The following ZFHX4 variants were observed in gnomAD, a reference collection of about 807,000 sequenced individuals.
The protein encoded by ZFHX4 is zinc finger homeobox protein 4.
ZFHX4 carries 56 observed loss-of-function variants against 267.6 expected under a neutral mutation model. The ratio of observed to expected loss-of-function variants is 0.21; its 90% CI spans 0.17 to 0.26. The LOEUF (loss-of-function observed/expected upper bound fraction) is 0.26. ZFHX4 is among the 10% of genes least tolerant of loss of function. ZFHX4 has a pLI of 1.00. For missense variants in ZFHX4, 4,332 were observed against 4,420.0 expected (o/e 0.98, Z 0.56); for synonymous variants, 1,778 against 1,665.6 (o/e 1.07, Z -1.64).
At position 76,846,393 on chromosome 8, in the gene ZFHX4, T is replaced by C. The variant is rs1055455970; in HGVS notation, c.3512-2602T>C. Among the ~76,000 whole-genome samples, 19 of 152,184 alleles carry C rather than the reference T, an allele frequency of 1.2e-4. No homozygotes were observed. In the East Asian group the frequency reaches 3.5e-3, roughly 28 times the overall value. ...AACTTCTTGGTAATTTCAAACAAAA[T>C]GGTCTTTAGGAGGCTCCTGGCTTAT... On this transcript the variant is annotated intron_variant, in intron 6 of 10. Coordinates refer to ENST00000651372, the MANE Select transcript of ZFHX4 (RefSeq NM_024721.5).
intron 3 of ZFHX4, among the ~76,000 whole-genome samples, chr8:76,728,170 T>C (rs1808905038): frequency 6.6e-6 from 1 of 152,202 alleles, no homozygotes; most frequent in African/African-American, 2.4e-5. Flanking sequence ...TATATATCTG[T>C]CTCAAGAATT....
intron 3 of ZFHX4, among the ~76,000 whole-genome samples, chr8:76,733,771 C>T (rs1388167078): frequency 6.6e-6 from 1 of 152,098 alleles, no homozygotes; most frequent in African/African-American, 2.4e-5. Context: ...GGTCCCCAAA[C>T]CTCAGCAGGG....
intron 3 of ZFHX4, among the ~76,000 whole-genome samples, chr8:76,764,373 A>G (rs888674559): frequency 1.3e-5 from 2 of 152,140 alleles, no homozygotes; most frequent in Non-Finnish European, 2.9e-5. Flanking sequence ...TATTTATGCT[A>G]GTCAGTTCTC....
rs762365099 is a variant in ZFHX4, at chr8:76,852,480, A to T, written c.5559A>T (p.Pro1853=). The change falls in exon 10 of 11, where the codon CCA becomes CCT. Residue 1853 remains proline, a synonymous_variant. Coordinates refer to ENST00000651372, the MANE Select transcript of ZFHX4 (RefSeq NM_024721.5). ...ACTGCCAAATCATGAAGGATGTGCC[A>T]TCTTATAAGGAGGCAGAAGATATTT... ...SADCQIMKDV[P]SYKEAEDISE... 1.3e-6 allele frequency: 2 copies of T among 1,588,696 alleles called. No homozygotes were observed. The highest frequency in any genetic ancestry group is 3.6e-5 in the Admixed American group (2 of 55,590).
At chr8:76,831,639 A>T (rs1452074460) in intron 4 of ZFHX4, among the ~76,000 whole-genome samples, 2 of 152,192 alleles carry the variant, frequency 1.3e-5, no homozygotes, top group East Asian at 3.8e-4. Flanking sequence ...GAACAACTCA[A>T]AATTTATCGG....
At chr8:76,845,918 T>A (rs71529281) in intron 6 of ZFHX4, among the ~76,000 whole-genome samples, 1 of 152,032 alleles carries the variant, frequency 6.6e-6, no homozygotes, top group Non-Finnish European at 1.5e-5. Context: ...GAGGATATTG[T>A]GTTGTCCTCA....
intron 4 of ZFHX4, among the ~76,000 whole-genome samples, chr8:76,784,045 A>G (rs1810622323): frequency 1.3e-5 from 2 of 151,894 alleles, no homozygotes. Flanking sequence ...TGCATATAAT[A>G]TTTATGTTAT....
intron 10 of ZFHX4, among the ~76,000 whole-genome samples, chr8:76,860,712 C>A (rs1485824805): frequency 6.6e-6 from 1 of 152,222 alleles, no homozygotes; most frequent in East Asian, 1.9e-4. Context: ...AAAGCCTCCT[C>A]CACCTGAATC....
intron 7 of ZFHX4, 137 bp from the exon 8 acceptor site, chr8:76,849,375 C>A (rs1812449493): frequency 2.3e-6 from 2 of 878,814 alleles, no homozygotes; most frequent in South Asian, 1.6e-5. Flanking sequence ...TGATGGATAT[C>A]CCATTTACCC....
intron 3 of ZFHX4, among the ~76,000 whole-genome samples, chr8:76,750,762 G>A (rs915640171): frequency 2.0e-5 from 3 of 151,918 alleles, no homozygotes; most frequent in African/African-American, 7.3e-5. Flanking sequence ...AAAATCAGTG[G>A]CAGTACTGGG....
rs1428329339 is a variant in ZFHX4, at chr8:76,849,525, C to T, written c.3659C>T (p.Pro1220Leu). The change falls in exon 8 of 11, where the codon CCT becomes CTT. Residue 1220 changes from proline to leucine, a missense_variant. Transcript: ENST00000651372. ...KFCHEQFYQC[P>L]YCNYNSRDQS... ...AATATTTTCCAGTTCTATCAATGTC[C>T]TTATTGTAACTACAATAGTAGGGAC... 24 of 1,613,112 alleles carry T rather than the reference C, an allele frequency of 1.5e-5. No individual in the cohort carries two copies. The highest frequency in any genetic ancestry group is 1.9e-5 in the Non-Finnish European group (22 of 1,179,094).
chr8:76,744,615 G>C (rs890155706), intron 3 of ZFHX4, among the ~76,000 whole-genome samples: 2 of 151,944 alleles, frequency 1.3e-5, no homozygotes, highest in African/African-American at 4.8e-5. Context: ...GTTTCACCGT[G>C]TTGGCCAGGC....
intron 4 of ZFHX4, among the ~76,000 whole-genome samples, chr8:76,824,390 A>G (rs893026700): frequency 1.3e-5 from 2 of 152,116 alleles, no homozygotes; most frequent in African/African-American, 4.8e-5. Flanking sequence ...GTAGGCCTAT[A>G]TATTCTGAGA....
chr8:76,863,468 G>A lies in ZFHX4; in HGVS notation c.9754G>A (p.Gly3252Ser). The change falls in exon 11 of 11, where the codon GGT becomes AGT. Residue 3252 changes from glycine to serine, a missense_variant. Physicochemically the swap from Gly to Ser is moderately conservative, Grantham distance 56 (BLOSUM62 0). This residue lies in a region of ZFHX4 where 1,648 missense variants were observed against 1,625.0 expected (regional missense o/e 1.01). Transcript: ENST00000651372. ...QLQALQNAIAGDPASFIGGQF... is the reference protein window; with the variant it reads ...QLQALQNAIASDPASFIGGQF... ...GCAGGCATTACAGAATGCAATTGCT[G>A]GTGACCCAGCTTCCTTTATAGGCGG... is the stretch of plus-strand genomic sequence containing the variant. 6.2e-7 allele frequency: 1 copy of A among 1,613,636 alleles called. No homozygotes were observed. Among genetic ancestry groups the A allele is most frequent in the Non-Finnish European group, 8.5e-7 (1 of 1,179,784 alleles).
Position 76,852,343 on chromosome 8 carries a change from C to T in ZFHX4, c.5422C>T (p.Pro1808Ser). Residue 1808 changes from proline to serine, a missense_variant, in exon 10 of 11, where the codon CCC becomes TCC. Pro to Ser is a moderately conservative substitution (Grantham distance 74, BLOSUM62 -1). This residue lies in a region of ZFHX4 where 1,371 missense variants were observed against 1,423.1 expected (regional missense o/e 0.96). Transcript: ENST00000651372. ...AGCACAACAATACCAAGCCACACAG[C>T]CCCAGCTGCAGCCTCAAAAACAACA... ...QQAQQYQATQ[P>S]QLQPQKQQQQ... 1.3e-6 allele frequency: 2 copies of T among 1,553,366 alleles called. No individual in the cohort carries two copies. The highest frequency in any genetic ancestry group is 1.4e-5 in the African/African-American group (1 of 73,186).
At chr8:76,809,829 C>G (rs1020214673) in intron 4 of ZFHX4, among the ~76,000 whole-genome samples, 1 of 152,068 alleles carries the variant, frequency 6.6e-6, no homozygotes, top group Non-Finnish European at 1.5e-5. Context: ...TGATTAGTGA[C>G]ATTTGATAAT....
chr8:76,833,895 C>G (rs528565664), intron 5 of ZFHX4, among the ~76,000 whole-genome samples: 7 of 152,194 alleles, frequency 4.6e-5, no homozygotes, highest in African/African-American at 1.4e-4. Flanking sequence ...TCATTGTTTC[C>G]ACCTCCTTGA....
chr8:76,863,067 T>C (rs375491944), intron 10 of ZFHX4, 27 bp from the exon 11 acceptor site: 186 of 1,484,016 alleles, frequency 1.3e-4, no homozygotes, highest in Non-Finnish European at 1.7e-4. Flanking sequence ...ACATTGACAG[T>C]GGCCATCTCT....
intron 4 of ZFHX4, among the ~76,000 whole-genome samples, chr8:76,823,190 A>G (rs1460358824): frequency 1.3e-5 from 2 of 149,342 alleles, no homozygotes; most frequent in Non-Finnish European, 3.0e-5. Context: ...TCTGCACAGC[A>G]TCCCACAGAA....
Sources: gnomAD v4.1 joint callset for allele counts (sites outside exome capture counted in the v4.1 genomes callset) on GRCh38, gnomAD v4.1.1 for gene constraint, gnomAD v4.1.1 regional missense constraint, MANE v1.5 for transcripts, NCBI Gene and HGNC (gene_info 2026-07-23, HGNC 2026-07-21) for gene names.